The following SLC41A2 variants were observed in gnomAD, a reference collection of about 807,000 sequenced individuals.
SLC41A2 encodes the protein SLC41A1-like 1.
Under a neutral mutation model 58.3 loss-of-function variants are expected in SLC41A2, and 32 were observed. That is an observed-to-expected ratio of 0.55 (90% CI 0.41 to 0.74). The LOEUF is 0.74. SLC41A2 is among the 30% of genes least tolerant of loss of function. SLC41A2 has a pLI of 0.00. For missense variants in SLC41A2, 514 were observed against 680.6 expected (o/e 0.76, Z 2.72); for synonymous variants, 190 against 235.0 (o/e 0.81, Z 1.75).
chr12:104,918,152 T>C (rs1023283307), intron 2 of SLC41A2, among the ~76,000 whole-genome samples: 1 of 151,930 alleles, frequency 6.6e-6, no homozygotes, highest in Non-Finnish European at 1.5e-5. Context: ...AAATACACTT[T>C]TGCTAAGAGT....
At chr12:104,861,687 T>G (rs561904647) in intron 7 of SLC41A2, among the ~76,000 whole-genome samples, 37 of 152,312 alleles carry the variant, frequency 2.4e-4, no homozygotes, top group African/African-American at 8.9e-4. Context: ...TGTCTATTTC[T>G]GGGGGTGAGG....
At chr12:104,838,148 T>C (rs2042276446) in intron 10 of SLC41A2, among the ~76,000 whole-genome samples, 1 of 152,216 alleles carries the variant, frequency 6.6e-6, no homozygotes, top group African/African-American at 2.4e-5. Context: ...ATACTGTCAA[T>C]GCTCCTTTTG....
intron 6 of SLC41A2, among the ~76,000 whole-genome samples, chr12:104,878,296 ATT>A (rs1344836916): frequency 1.4e-5 from 1 of 69,574 alleles, no homozygotes; most frequent in East Asian, 4.9e-4. Flanking sequence ...ATATACCTGT[ATT>A]TTATATATAT....
intron 3 of SLC41A2, among the ~76,000 whole-genome samples, chr12:104,903,940 T>TA (rs1329187827): frequency 6.6e-6 from 1 of 152,210 alleles, no homozygotes; most frequent in African/African-American, 2.4e-5. Context: ...CACATACATA[T>TA]AACCAGACAT....
chr12:104,928,390 A>G lies in SLC41A2; in HGVS notation c.138T>C (p.Val46=), dbSNP rs763361945. The G allele has an allele frequency of 2.5e-5, 40 of 1,575,486 alleles. No individual in the cohort carries two copies. The South Asian group carries it at 4.3e-4, about 17-fold the overall frequency. ...DKFLNLLLSM[V]PVIYQKNQED... ...CTTGGTTTTTCTGGTAAATCACTGG[A>G]ACCATACTCAAGAGTAAATTTAAAA... The change falls in exon 2 of 11, where the codon GTT becomes GTC. Residue 46 remains valine, a synonymous_variant. Coordinates refer to ENST00000258538, the MANE Select transcript of SLC41A2 (RefSeq NM_001352171.3).
intron 2 of SLC41A2, among the ~76,000 whole-genome samples, chr12:104,916,854 C>CT: frequency 1.3e-5 from 2 of 151,950 alleles, no homozygotes; most frequent in East Asian, 3.9e-4. Context: ...AATGTTAGAC[C>CT]TAAAACCATA....
At chr12:104,901,869 T>A (rs796858191) in intron 3 of SLC41A2, among the ~76,000 whole-genome samples, 4 of 152,308 alleles carry the variant, frequency 2.6e-5, no homozygotes, top group African/African-American at 9.6e-5. Flanking sequence ...ATTGAATGAG[T>A]AGACTGTATC....
chr12:104,937,235 T>C (rs2064101450), intron 1 of SLC41A2, among the ~76,000 whole-genome samples: 1 of 152,248 alleles, frequency 6.6e-6, no homozygotes. Context: ...TCTGCAGTAG[T>C]GCACAGTAAT....
intron 7 of SLC41A2, among the ~76,000 whole-genome samples, chr12:104,862,060 T>C (rs1399385370): frequency 6.6e-6 from 1 of 152,220 alleles, no homozygotes; most frequent in South Asian, 2.1e-4. Context: ...CATCAGTTTC[T>C]GGGTCTGTGT....
rs2048016882 is a variant in SLC41A2, at chr12:104,953,061, T to A, written c.-168+5027A>T. ...TGTAACTCTTAGAGCAAGGACCCAT[T>A]CTTGTTCACCACTGAATCCCAAAGC... is the stretch of plus-strand genomic sequence containing the variant. On this transcript the variant is annotated intron_variant, in intron 1 of 10. Transcript: ENST00000258538. 2.0e-5 allele frequency among the ~76,000 whole-genome samples: 3 copies of A among 152,244 alleles called. No homozygotes were observed. The South Asian group carries it at 6.2e-4, about 31-fold the overall frequency.
intron 4 of SLC41A2, among the ~76,000 whole-genome samples, chr12:104,891,874 A>G (rs1432185968): frequency 1.3e-5 from 2 of 152,372 alleles, no homozygotes; most frequent in East Asian, 3.8e-4. Flanking sequence ...CACAAGAAGC[A>G]GTAGCATTTC....
At chr12:104,953,886 G>C (rs567942715) in intron 1 of SLC41A2, among the ~76,000 whole-genome samples, 1 of 152,278 alleles carries the variant, frequency 6.6e-6, no homozygotes, top group South Asian at 2.1e-4. Flanking sequence ...TAGGAGAACA[G>C]TTAGCATGGA....
At chr12:104,897,845 T>A (rs2045371559) in intron 3 of SLC41A2, among the ~76,000 whole-genome samples, 1 of 152,194 alleles carries the variant, frequency 6.6e-6, no homozygotes, top group African/African-American at 2.4e-5. Context: ...CTCCATCTTG[T>A]AAAAACTACA....
intron 10 of SLC41A2, among the ~76,000 whole-genome samples, chr12:104,815,940 G>A (rs1003902726): frequency 3.9e-5 from 6 of 152,070 alleles, no homozygotes; most frequent in East Asian, 3.9e-4. Flanking sequence ...AAATGGTGTC[G>A]CTGAAAAGAA....
intron 10 of SLC41A2, among the ~76,000 whole-genome samples, chr12:104,823,128 A>G (rs1048224480): frequency 3.9e-5 from 6 of 152,226 alleles, no homozygotes; most frequent in Admixed American, 3.3e-4. Flanking sequence ...AGAAGGTTTG[A>G]GATAGAGCAT....
At chr12:104,885,286 C>G (rs1274206618) in intron 6 of SLC41A2, among the ~76,000 whole-genome samples, 1 of 152,194 alleles carries the variant, frequency 6.6e-6, no homozygotes, top group Non-Finnish European at 1.5e-5. Context: ...TTTTATGCCA[C>G]TCACTAAATA....
intron 10 of SLC41A2, among the ~76,000 whole-genome samples, chr12:104,837,918 A>C (rs1169362789): frequency 6.6e-6 from 1 of 152,196 alleles, no homozygotes; most frequent in Non-Finnish European, 1.5e-5. Context: ...TATGGATACA[A>C]AATAAGTAGC....
At chr12:104,843,288 T>A (rs1175781932) in intron 10 of SLC41A2, among the ~76,000 whole-genome samples, 1 of 151,832 alleles carries the variant, frequency 6.6e-6, no homozygotes, top group Non-Finnish European at 1.5e-5. Flanking sequence ...TTAAAAGCCA[T>A]CCCTCCATCT....
In SLC41A2 at chr12:104,886,363, A is replaced by G. The variant is rs760136713; in HGVS notation, c.957T>C (p.Ala319=). 19 of 1,613,608 alleles carry G rather than the reference A, an allele frequency of 1.2e-5. No individual in the cohort carries two copies. The highest frequency in any genetic ancestry group is 1.5e-5 in the Non-Finnish European group (18 of 1,179,692). The stretch of plus-strand genomic sequence containing the variant: ...GAGTTATAAGGTCGCCAAAACTAGC[A>G]GCAATGGGTGTAGCAACATTATCAG... The part of the protein sequence containing the change: ...INPDNVATPI[A]ASFGDLITLA... The change falls in exon 6 of 11, where the codon GCT becomes GCC. Residue 319 remains alanine, a synonymous_variant. Transcript: ENST00000258538.
Sources: gnomAD v4.1 joint callset for allele counts (sites outside exome capture counted in the v4.1 genomes callset) on GRCh38, gnomAD v4.1.1 for gene constraint, MANE v1.5 for transcripts, NCBI Gene and HGNC (gene_info 2026-07-23, HGNC 2026-07-21) for gene names.